PAQR4: variants seen among roughly 807,000 people sequenced by gnomAD.
PAQR4 encodes the protein progestin and adipoQ receptor family member 4, also known as progestin and adipoQ receptor family member IV.
Under a neutral mutation model 20.9 loss-of-function variants are expected in PAQR4, and 26 were observed. That is an observed-to-expected ratio of 1.24 (90% CI 0.91 to 1.73). PAQR4 has a LOEUF of 1.73. Ranked by LOEUF, PAQR4 falls within the 40% of genes most tolerant of loss-of-function variation. The pLI is 0.00. For missense variants in PAQR4, 400 were observed against 380.1 expected, an observed-to-expected ratio of 1.05 and a Z score of -0.44; for synonymous variants, 193 against 171.6, an observed-to-expected ratio of 1.12 and a Z score of -0.97.
chr16:2,972,574 C>T lies in PAQR4; in HGVS notation c.*626C>T, dbSNP rs1038662981. 1.3e-6 allele frequency: 2 copies of T among 1,517,258 alleles called. No homozygotes were observed. Among genetic ancestry groups the T allele is most frequent in the Non-Finnish European group, 1.8e-6 (2 of 1,134,880 alleles). The allele number at this position is 1,517,258 out of a possible 1,614,324, so 94.0% of individuals were successfully genotyped here. ...GCTCAGCGGCCTCAGATCCTGGGAC[C>T]CCTGGGCCGTGCCTGCCCTCCACCT... On this transcript the variant is annotated 3_prime_UTR_variant, in exon 3 of 3. Transcript: ENST00000318782.
rs765618015 is a variant in PAQR4 at position 2,973,004 on chromosome 16, A to G, written c.*1056A>G. 1.2e-6 allele frequency: 2 copies of G among 1,610,700 alleles called. No individual in the cohort carries two copies. On this transcript the variant is annotated 3_prime_UTR_variant, in exon 3 of 3. Transcript: ENST00000318782. ...ACAGGCTGAGGAGGTTCCGAGGCTC[A>G]AAGGAGGGGAAGGAGCCCCGAGGAG...
rs1339289647 is a variant in PAQR4, at chr16:2,972,615, C to A, written c.*667C>A. 3.9e-6 allele frequency: 6 copies of A among 1,534,774 alleles called. No homozygotes were observed. ...CCCTCCACCTTGAGTGCCATACTCC[C>A]AACAGCTCCAGGTACCCACCGGGGG... On this transcript the variant is annotated 3_prime_UTR_variant, in exon 3 of 3. Transcript: ENST00000318782.
In PAQR4 at chr16:2,973,002, T is replaced by C. The variant is rs762309599; in HGVS notation, c.*1054T>C. 11 of 1,610,460 alleles carry C rather than the reference T, an allele frequency of 6.8e-6. No individual in the cohort carries two copies. The highest frequency in any genetic ancestry group is 9.3e-6 in the Non-Finnish European group (11 of 1,179,296). ...AAACAGGCTGAGGAGGTTCCGAGGC[T>C]CAAAGGAGGGGAAGGAGCCCCGAGG... On this transcript the variant is annotated 3_prime_UTR_variant, in exon 3 of 3. Coordinates refer to ENST00000318782, the MANE Select transcript of PAQR4 (RefSeq NM_152341.5).
chr16:2,971,812 G>T lies in PAQR4; in HGVS notation c.686G>T (p.Gly229Val), dbSNP rs747306866. 23 of 1,612,798 alleles carry T rather than the reference G, an allele frequency of 1.4e-5. No individual in the cohort carries two copies. Among genetic ancestry groups the T allele is most frequent in the South Asian group, 1.2e-4 (11 of 91,088 alleles). ...GTAGCCCGTCTGCCCGAGCGCTGGGGACCTGGCCGCTTTGACTACTGGGGC... is the reference window on the plus strand; with the variant it reads ...GTAGCCCGTCTGCCCGAGCGCTGGGTACCTGGCCGCTTTGACTACTGGGGC... ...VNVARLPERW[G>V]PGRFDYWGNS... The change falls in exon 3 of 3, where the codon GGA (glycine) becomes GTA (valine). Residue 229 changes from glycine (G) to valine (V), a missense_variant. By Grantham distance (109) the Gly-to-Val change is moderately radical. Coordinates refer to ENST00000318782, the MANE Select transcript of PAQR4 (RefSeq NM_152341.5).
chr16:2,969,685 T>C lies in PAQR4; in HGVS notation c.11T>C (p.Leu4Pro), dbSNP rs1333102003. ...CGCGCGGTGCGGACCATGGCGTTCC[T>C]GGCCGGGCCGCGCCTGCTGGACTGG... MAF[L>P]AGPRLLDWAS... is the part of the protein sequence containing the mutation. Residue 4 changes from leucine (L) to proline (P), a missense_variant, in exon 1 of 3, where the codon CTG becomes CCG. Leu to Pro is a moderately conservative substitution (Grantham distance 98). Coordinates refer to ENST00000318782, the MANE Select transcript of PAQR4 (RefSeq NM_152341.5). The C allele has an allele frequency of 6.4e-7, 1 of 1,572,406 alleles. No homozygotes were observed.
rs2072048557 is a variant in PAQR4 at position 2,973,093 on chromosome 16, A to T, written c.*1145A>T. On this transcript the variant is annotated 3_prime_UTR_variant, in exon 3 of 3. Transcript: ENST00000318782. ...GGAGGAGAGAGTAGTGACACTCAGG[A>T]TCCAAAAGCTAGCCCTGCCCACCCC... The T allele has an allele frequency of 6.3e-7, 1 of 1,576,596 alleles. No homozygotes were observed. Among genetic ancestry groups the T allele is most frequent in the South Asian group, 1.2e-5 (1 of 86,596 alleles).
rs369836392 is a variant in PAQR4 at position 2,971,748 on chromosome 16, C to G, written c.622C>G (p.Arg208Gly). 1 of 1,612,754 alleles carries G rather than the reference C, an allele frequency of 6.2e-7. No individual in the cohort carries two copies. The highest frequency in any genetic ancestry group is 1.7e-5 in the Admixed American group (1 of 59,986). The stretch of plus-strand genomic sequence containing the variant: ...TCCAGGCTCCCTGCCCTGCTACCTG[C>G]GCATGGACGCACTGGCGCTGCTTGG... ...GAPGSLPCYL[R>G]MDALALLGGL... The change falls in exon 3 of 3, where the codon CGC becomes GGC. Residue 208 changes from arginine to glycine, a missense_variant. Coordinates refer to ENST00000318782, the MANE Select transcript of PAQR4 (RefSeq NM_152341.5).
rs1286928069 is a variant in PAQR4, at chr16:2,973,310, T to C, written c.*1362T>C. 2 of 1,514,576 alleles carry C rather than the reference T, an allele frequency of 1.3e-6. No homozygotes were observed. The highest frequency in any genetic ancestry group is 1.8e-6 in the Non-Finnish European group (2 of 1,132,704). 93.8% of individuals were successfully genotyped at this position (1,514,576 alleles called of 1,614,324 possible). Reference sequence around the variant, plus strand: ...CCTGTGCAGGCTCCAGGCTCCCGCCTGACAAACAGGCAGGGAGCCACAGTC... The same window carrying C: ...CCTGTGCAGGCTCCAGGCTCCCGCCCGACAAACAGGCAGGGAGCCACAGTC... On this transcript the variant is annotated 3_prime_UTR_variant, in exon 3 of 3. Coordinates refer to ENST00000318782, the MANE Select transcript of PAQR4 (RefSeq NM_152341.5).
intron 1 of PAQR4, among the ~76,000 whole-genome samples, chr16:2,970,493 A>G (rs564983359): frequency 6.6e-6 from 1 of 152,302 alleles, no homozygotes; most frequent in Non-Finnish European, 1.5e-5. Context: ...GGCCAGTACT[A>G]GAGGCCGGCA....
chr16:2,971,231 C>T lies in PAQR4; in HGVS notation c.241C>T (p.Leu81=), dbSNP rs777969791. The change falls in exon 2 of 3, where the codon CTG becomes TTG. Residue 81 remains leucine (L), a synonymous_variant. Transcript: ENST00000318782. The part of the protein sequence containing the change: ...PWGQLGKDGW[L]GGTHCVACLA... ...GGGTCAGCTGGGCAAGGATGGCTGG[C>T]TGGGAGGCACACATTGCGTGGCCTG... 5 of 1,613,280 alleles carry T rather than the reference C, an allele frequency of 3.1e-6. No homozygotes were observed. Among genetic ancestry groups the T allele is most frequent in the Middle Eastern group, 1.6e-4 (1 of 6,062 alleles).
At position 2,971,953 on chromosome 16, in the gene PAQR4, C is replaced by A. The variant is rs754324834; in HGVS notation, c.*5C>A. On this transcript the variant is annotated 3_prime_UTR_variant, in exon 3 of 3. Coordinates refer to ENST00000318782, the MANE Select transcript of PAQR4 (RefSeq NM_152341.5). The stretch of plus-strand genomic sequence containing the variant: ...CACGCCTGTCCCCGGGACTGAGCTG[C>A]CATGCCAGCCTGCCCACAGCAGCCT... 2 of 1,572,014 alleles carry A rather than the reference C, an allele frequency of 1.3e-6. No homozygotes were observed. The highest frequency in any genetic ancestry group is 1.7e-5 in the Admixed American group (1 of 58,134).
Position 2,973,134 on chromosome 16 carries a change from T to C in PAQR4, c.*1186T>C. ...TGCCCACCCCAGCCCCTGGACCTGC[T>C]TACCTGGGTGTGCACCTGCTCCGGG... On this transcript the variant is annotated 3_prime_UTR_variant, in exon 3 of 3. Transcript: ENST00000318782. 1 of 1,553,700 alleles carries C rather than the reference T, an allele frequency of 6.4e-7. No individual in the cohort carries two copies. The highest frequency in any genetic ancestry group is 8.7e-7 in the Non-Finnish European group (1 of 1,144,358).
At position 2,972,083 on chromosome 16, in the gene PAQR4, C is replaced by G; in HGVS notation, c.*135C>G. On this transcript the variant is annotated 3_prime_UTR_variant, in exon 3 of 3. Transcript: ENST00000318782. ...TGTCTCAGCAGGAGCCCTGTTCACC[C>G]GTTCTTCCCTGTGGACTGACCTCTT... The G allele has an allele frequency of 2.2e-6, 2 of 926,822 alleles. No individual in the cohort carries two copies. Among genetic ancestry groups the G allele is most frequent in the Non-Finnish European group, 3.1e-6 (2 of 637,250 alleles). The allele number at this position is 926,822 out of a possible 1,614,324, so 57.4% of individuals were successfully genotyped here.
rs745881639 is a variant in PAQR4, at chr16:2,972,940, C to CAGAG, written c.*993_*996dup. 2.5e-5 allele frequency: 40 copies of CAGAG among 1,593,498 alleles called. No homozygotes were observed. The South Asian group carries it at 4.4e-4, about 18-fold the overall frequency. ...GGATAAAAGGTTAAAAGTGCAGAGG[C>CAGAG]AGAGTCTGGGGCTCAGGTTGGGTCT... On this transcript the variant is annotated 3_prime_UTR_variant, in exon 3 of 3. Coordinates refer to ENST00000318782, the MANE Select transcript of PAQR4 (RefSeq NM_152341.5).
chr16:2,971,580 G>A lies in PAQR4; in HGVS notation c.454G>A (p.Gly152Ser), dbSNP rs1195444875. 4 of 1,600,592 alleles carry A rather than the reference G, an allele frequency of 2.5e-6. No homozygotes were observed. Among genetic ancestry groups the A allele is most frequent in the African/African-American group, 2.7e-5 (2 of 74,916 alleles). The change falls in exon 3 of 3, where the codon GGC (glycine) becomes AGC (serine). Residue 152 changes from glycine to serine, a missense_variant. Physicochemically the swap from Gly to Ser is moderately conservative, Grantham distance 56. Coordinates refer to ENST00000318782, the MANE Select transcript of PAQR4 (RefSeq NM_152341.5). ...CTGGCTGCGCCCGGCTGCCCTGGTG[G>A]GCTACACTGTGTTGTCGGGTGTGGC... is the stretch of plus-strand genomic sequence containing the variant. Reference protein sequence around the residue: ...RPWLRPAALVGYTVLSGVAGW... With the variant: ...RPWLRPAALVSYTVLSGVAGW...
chr16:2,971,463 C>CG, intron 2 of PAQR4, 52 bp from the exon 3 acceptor site: 1 of 1,571,328 alleles, frequency 6.4e-7, no homozygotes, highest in East Asian at 2.2e-5. Flanking sequence ...TAGGGAAGGG[C>CG]GGGTGGACCC....
At chr16:2,970,822 G>A (rs1032996866) in intron 1 of PAQR4, among the ~76,000 whole-genome samples, 1 of 152,236 alleles carries the variant, frequency 6.6e-6, no homozygotes, top group Non-Finnish European at 1.5e-5. Flanking sequence ...GCTTGTATGG[G>A]GAGAGCAGTG....
At position 2,969,704 on chromosome 16, in the gene PAQR4, G is replaced by C; in HGVS notation, c.30G>C (p.Leu10=). MAFLAGPRL[L]DWASSPPHLQ... Reference sequence around the variant, plus strand: ...CGTTCCTGGCCGGGCCGCGCCTGCTGGACTGGGCCAGCTCGCCGCCGCACC... The same window carrying C: ...CGTTCCTGGCCGGGCCGCGCCTGCTCGACTGGGCCAGCTCGCCGCCGCACC... The change falls in exon 1 of 3, where the codon CTG becomes CTC. Residue 10 remains leucine, a synonymous_variant. Transcript: ENST00000318782. The C allele has an allele frequency of 6.3e-7, 1 of 1,596,182 alleles. No homozygotes were observed. The highest frequency in any genetic ancestry group is 8.5e-7 in the Non-Finnish European group (1 of 1,172,770).
chr16:2,970,743 A>T (rs1007346372), intron 1 of PAQR4, among the ~76,000 whole-genome samples: 1 of 152,254 alleles, frequency 6.6e-6, no homozygotes, highest in African/African-American at 2.4e-5. Context: ...CCGGGCTGGC[A>T]TCACTGCTCA....
Sources: gnomAD v4.1 joint callset for allele counts (sites outside exome capture counted in the v4.1 genomes callset) on GRCh38, gnomAD v4.1.1 for gene constraint, MANE v1.5 for transcripts, NCBI Gene and HGNC (gene_info 2026-07-23, HGNC 2026-07-21) for gene names.